Variants in CDK8 observed in about 807,000 individuals in gnomAD.
The protein encoded by CDK8 is cyclin dependent kinase 8.
A neutral mutation model predicts 71.5 loss-of-function variants in CDK8; 29 were observed. The ratio of observed to expected loss-of-function variants is 0.41; its 90% confidence interval spans 0.30 to 0.55. The LOEUF (loss-of-function observed/expected upper bound fraction) is 0.55. Among genes scored for constraint, CDK8 ranks in the 20% least tolerant of loss-of-function variants. The probability of loss-of-function intolerance (pLI) is 0.37; values close to 1 mark genes in which losing one functional copy is unlikely to be tolerated. For synonymous variants in CDK8, 161 were observed against 192.1 expected, an observed-to-expected ratio of 0.84 and a Z score of 1.34; for missense variants, 288 against 572.6, an observed-to-expected ratio of 0.50 and a Z score of 5.07.
intron 1 of CDK8, among the ~76,000 whole-genome samples, chr13:26,266,831 A>G (rs761280041): frequency 1.3e-5 from 2 of 152,156 alleles, no homozygotes; most frequent in African/African-American, 2.4e-5. Context: ...TTTGTACTCC[A>G]TGCTATTCAG....
chr13:26,383,934 G>A (rs1018773936), intron 5 of CDK8, among the ~76,000 whole-genome samples: 3 of 152,156 alleles, frequency 2.0e-5, no homozygotes, highest in Admixed American at 1.3e-4. Flanking sequence ...GTCTTTACAT[G>A]TGCTTTTAAA....
chr13:26,362,224 ATGG>A (rs1874178006), intron 4 of CDK8, among the ~76,000 whole-genome samples: 1 of 39,096 alleles, frequency 2.6e-5, no homozygotes, highest in Non-Finnish European at 4.8e-5. Context: ...TAGATGATAG[ATGG>A]ATGGATGGAT....
chr13:26,399,461 A>G (rs564482460), intron 9 of CDK8, among the ~76,000 whole-genome samples: 1 of 152,238 alleles, frequency 6.6e-6, no homozygotes, highest in African/African-American at 2.4e-5. Flanking sequence ...AGGAGGGCCC[A>G]GCAGTCTGTT....
At chr13:26,323,602 A>G (rs1874893234) in intron 1 of CDK8, among the ~76,000 whole-genome samples, 2 of 152,072 alleles carry the variant, frequency 1.3e-5, no homozygotes, top group African/African-American at 2.4e-5. Context: ...TCATTTGTTC[A>G]GTGTATGTTC....
chr13:26,285,539 T>C (rs561747037), intron 1 of CDK8, among the ~76,000 whole-genome samples: 45 of 152,364 alleles, frequency 3.0e-4, no homozygotes, highest in Admixed American at 2.3e-3. Context: ...AACATTATAC[T>C]GAATGAGGAA....
At chr13:26,282,106 G>A (rs1872776948) in intron 1 of CDK8, among the ~76,000 whole-genome samples, 1 of 152,034 alleles carries the variant, frequency 6.6e-6, no homozygotes, top group African/African-American at 2.4e-5. Flanking sequence ...TGGTGGTCCT[G>A]AGGAAGATGA....
chr13:26,345,613 A>G (rs1382798178), intron 2 of CDK8, among the ~76,000 whole-genome samples: 1 of 151,980 alleles, frequency 6.6e-6, no homozygotes, highest in Non-Finnish European at 1.5e-5. Context: ...GAATTCCTGA[A>G]CCTCAATGAT....
chr13:26,282,594 T>C lies in CDK8; in HGVS notation c.128+27825T>C, dbSNP rs148750883. Among the ~76,000 whole-genome samples the C allele has an allele frequency of 2.6e-5, 4 of 152,188 alleles. No homozygotes were observed. In the East Asian group the frequency reaches 7.7e-4, roughly 29 times the overall value. On this transcript the variant is annotated intron_variant, in intron 1 of 12. Transcript: ENST00000381527. Reference sequence around the variant, plus strand: ...TAAATGTTGAAGCAAAACCTTGAAATACACCAAAATAGAACCTTCTCAAAG... The same window carrying C: ...TAAATGTTGAAGCAAAACCTTGAAACACACCAAAATAGAACCTTCTCAAAG...
chr13:26,258,748 A>G (rs1282006341), intron 1 of CDK8, among the ~76,000 whole-genome samples: 2 of 152,140 alleles, frequency 1.3e-5, no homozygotes, highest in Admixed American at 6.5e-5. Flanking sequence ...ATAAAATGTA[A>G]TATTTTTTGC....
At chr13:26,385,121 A>G (rs776638343) in intron 5 of CDK8, 90 bp from the exon 6 acceptor site, 24 of 1,086,746 alleles carry the variant, frequency 2.2e-5, no homozygotes, top group South Asian at 3.2e-5. Context: ...CACATTTTTC[A>G]TCTTACTGAA....
intron 4 of CDK8, among the ~76,000 whole-genome samples, chr13:26,371,655 G>A (rs1008844818): frequency 6.6e-6 from 1 of 152,052 alleles, no homozygotes; most frequent in Non-Finnish European, 1.5e-5. Flanking sequence ...TCCCCCTGTC[G>A]CCCATGCTGG....
intron 1 of CDK8, among the ~76,000 whole-genome samples, chr13:26,328,176 T>C (rs555316761): frequency 1.8e-3 from 273 of 152,318 alleles, no homozygotes; most frequent in African/African-American, 6.3e-3. Context: ...ATAATCATCA[T>C]ACCTCAGCAT....
At chr13:26,316,111 C>T (rs763033393) in intron 1 of CDK8, among the ~76,000 whole-genome samples, 2 of 152,198 alleles carry the variant, frequency 1.3e-5, no homozygotes, top group Non-Finnish European at 2.9e-5. Context: ...GCAATCCCAG[C>T]ACTTTGGGAG....
intron 1 of CDK8, among the ~76,000 whole-genome samples, chr13:26,296,957 G>T (rs1370374762): frequency 6.6e-6 from 1 of 152,032 alleles, no homozygotes; most frequent in Non-Finnish European, 1.5e-5. Flanking sequence ...CTAACCTGTA[G>T]TATTAAAGGA....
At chr13:26,311,567 T>C (rs188375149) in intron 1 of CDK8, among the ~76,000 whole-genome samples, 1 of 152,280 alleles carries the variant, frequency 6.6e-6, no homozygotes, top group Non-Finnish European at 1.5e-5. Context: ...TATTTTCCTC[T>C]CCGTATTTGT....
At chr13:26,262,597 C>T (rs910203314) in intron 1 of CDK8, among the ~76,000 whole-genome samples, 3 of 152,070 alleles carry the variant, frequency 2.0e-5, no homozygotes, top group Non-Finnish European at 2.9e-5. Context: ...AGAGCAAGCT[C>T]GGTAGTTGGC....
chr13:26,315,153 C>CAAGCTTTCTTTTGGCTTG (rs1874450813), intron 1 of CDK8, among the ~76,000 whole-genome samples: 1 of 152,136 alleles, frequency 6.6e-6, no homozygotes, highest in African/African-American at 2.4e-5. Context: ...TGAAAGCACT[C>CAAGCTTTCTTTTGGCTTG]AAAGTGTATA....
At chr13:26,256,933 A>AT (rs1481198829) in intron 1 of CDK8, among the ~76,000 whole-genome samples, 1 of 150,326 alleles carries the variant, frequency 6.7e-6, no homozygotes, top group South Asian at 2.1e-4. Context: ...AATTACAGGG[A>AT]TTTTTTTCGG....
At chr13:26,317,799 T>G (rs1874582962) in intron 1 of CDK8, among the ~76,000 whole-genome samples, 1 of 152,072 alleles carries the variant, frequency 6.6e-6, no homozygotes, top group South Asian at 2.1e-4. Context: ...AAAGCAGTAG[T>G]AAGGGGGAAG....
Sources: gnomAD v4.1 joint callset for allele counts (sites outside exome capture counted in the v4.1 genomes callset) on GRCh38, gnomAD v4.1.1 for gene constraint, MANE v1.5 for transcripts, NCBI Gene and HGNC (gene_info 2026-07-23, HGNC 2026-07-21) for gene names.